STRBP: variants seen among roughly 807,000 people sequenced by gnomAD.
The protein encoded by STRBP is spermatid perinuclear RNA binding protein.
In STRBP, 13 loss-of-function variants were observed where a neutral mutation model predicts 80.1. The ratio of observed to expected loss-of-function variants is 0.16; its 90% CI spans 0.11 to 0.26. The LOEUF is 0.26. Among genes scored for constraint, STRBP ranks in the 10% least tolerant of loss-of-function variants. STRBP has a pLI of 1.00. For missense variants in STRBP, 485 were observed against 815.2 expected (o/e 0.59, Z 4.93); for synonymous variants, 284 against 291.2 (o/e 0.98, Z 0.25).
intron 13 of STRBP, among the ~76,000 whole-genome samples, chr9:123,140,626 CA>C (rs544721015): frequency 1.1e-4 from 17 of 150,358 alleles, no homozygotes; most frequent in Non-Finnish European, 1.8e-4. Context: ...AACAAACAAA[CA>C]AAAAAAAACA....
intron 13 of STRBP, among the ~76,000 whole-genome samples, chr9:123,144,938 A>G (rs1191787959): frequency 6.6e-6 from 1 of 152,208 alleles, no homozygotes; most frequent in East Asian, 1.9e-4. Context: ...AGAGTTTTTC[A>G]AATCTTCAAA....
chr9:123,249,995 C>T (rs188594181), intron 1 of STRBP, among the ~76,000 whole-genome samples: 5 of 152,280 alleles, frequency 3.3e-5, no homozygotes, highest in Admixed American at 2.0e-4. Context: ...TGTTATAAAA[C>T]CATGTATAGA....
At chr9:123,172,750 C>A (rs1246502881) in intron 5 of STRBP, among the ~76,000 whole-genome samples, 2 of 151,692 alleles carry the variant, frequency 1.3e-5, no homozygotes, top group Admixed American at 6.6e-5. Context: ...AGAAAATGAT[C>A]TAGTAACAAA....
chr9:123,237,301 T>A (rs2040590317), intron 1 of STRBP, among the ~76,000 whole-genome samples: 1 of 152,154 alleles, frequency 6.6e-6, no homozygotes, highest in South Asian at 2.1e-4. Flanking sequence ...AACAGAGTTG[T>A]AGCTAGGACA....
At chr9:123,253,812 G>A (rs571253120) in intron 1 of STRBP, among the ~76,000 whole-genome samples, 1 of 152,184 alleles carries the variant, frequency 6.6e-6, no homozygotes, top group Non-Finnish European at 1.5e-5. Flanking sequence ...AAAGCACTAG[G>A]AGTGACCTGT....
At chr9:123,203,878 A>T (rs558096610) in intron 2 of STRBP, among the ~76,000 whole-genome samples, 1 of 152,150 alleles carries the variant, frequency 6.6e-6, no homozygotes, top group Non-Finnish European at 1.5e-5. Context: ...AGTCTGAGGC[A>T]GGAGAACTGC....
At chr9:123,228,839 T>G (rs1003049941) in intron 2 of STRBP, among the ~76,000 whole-genome samples, 4 of 152,314 alleles carry the variant, frequency 2.6e-5, no homozygotes, top group Admixed American at 1.3e-4. Context: ...CTACTAAGTA[T>G]GTAGCCAAGA....
Position 123,115,976 on chromosome 9 carries a change from T to G in STRBP, c.*37A>C, listed in dbSNP as rs1398548009. The stretch of plus-strand genomic sequence containing the variant: ...CTCCAGGTCTCCTCTTCACCAGCCT[T>G]AACCTTCTGGTCCTTCCATCTCATT... On this transcript the variant is annotated 3_prime_UTR_variant and NMD_transcript_variant, in exon 3 of 4. Coordinates refer to the STRBP transcript ENST00000471564. The surrounding 1 kb of genome is among the most constrained non-coding windows in gnomAD (Gnocchi z 5.0). 1 of 456,192 alleles carries G rather than the reference T, an allele frequency of 2.2e-6. No individual in the cohort carries two copies. Among genetic ancestry groups the G allele is most frequent in the Non-Finnish European group, 4.4e-6 (1 of 226,932 alleles). The allele number at this position is 456,192 out of a possible 1,614,324, so 28.3% of individuals were successfully genotyped here.
intron 1 of STRBP, among the ~76,000 whole-genome samples, chr9:123,257,917 T>G (rs967416327): frequency 4.6e-5 from 7 of 151,852 alleles, no homozygotes; most frequent in Non-Finnish European, 7.4e-5. Flanking sequence ...TGTATAGAAT[T>G]ATTATATCTA....
intron 2 of STRBP, among the ~76,000 whole-genome samples, chr9:123,197,284 CAT>C (rs2039127449): frequency 6.6e-6 from 1 of 152,016 alleles, no homozygotes; most frequent in African/African-American, 2.4e-5. Flanking sequence ...GTACAAAAAA[CAT>C]AGTTAAATAG....
chr9:123,240,469 A>T (rs1250020429), intron 1 of STRBP, among the ~76,000 whole-genome samples: 2 of 152,218 alleles, frequency 1.3e-5, no homozygotes, highest in African/African-American at 4.8e-5. Context: ...ATCACTAGCT[A>T]ATTTTCTCAC....
Position 123,122,490 on chromosome 9 carries a change from G to GT in STRBP, c.*3106dup. 2 of 1,190,140 alleles carry GT rather than the reference G, an allele frequency of 1.7e-6. No individual in the cohort carries two copies. The highest frequency in any genetic ancestry group is 2.1e-6 in the Non-Finnish European group (2 of 948,408). The allele number at this position is 1,190,140 out of a possible 1,614,324, so 73.7% of individuals were successfully genotyped here. A position where few individuals can be genotyped will look rare whatever the true frequency, so the allele number is the denominator to read the frequency against. On this transcript the variant is annotated 3_prime_UTR_variant, in exon 19 of 19. Coordinates refer to ENST00000348403, the MANE Select transcript of STRBP (RefSeq NM_018387.5). ...CCAATACCAGCAAAATCTCTCAGTG[G>GT]TTTGTTCCCCAGGCTAACAATTTGA...
chr9:123,218,661 G>C (rs140028357), intron 2 of STRBP, among the ~76,000 whole-genome samples: 1 of 152,006 alleles, frequency 6.6e-6, no homozygotes, highest in Non-Finnish European at 1.5e-5. Flanking sequence ...GAGCCACCGC[G>C]CCCGGCCTAA....
At position 123,206,993 on chromosome 9, in the gene STRBP, C is replaced by T. The variant is rs533104099; in HGVS notation, c.-164-22695G>A. Among the ~76,000 whole-genome samples the T allele has an allele frequency of 4.5e-4, 69 of 152,170 alleles. 1 individual carries two copies. In the South Asian group the frequency reaches 0.012, roughly 27 times the overall value. The stretch of plus-strand genomic sequence containing the variant: ...TCAAGAATCTAATCAACCAACTTTC[C>T]GTTTTTCTGTGGTAAAATGAGATTT... On this transcript the variant is annotated intron_variant, in intron 2 of 18. Transcript: ENST00000348403.
At chr9:123,242,578 T>C (rs186179657) in intron 1 of STRBP, among the ~76,000 whole-genome samples, 35 of 152,298 alleles carry the variant, frequency 2.3e-4, no homozygotes, top group African/African-American at 7.0e-4. Flanking sequence ...GAGAATCGCT[T>C]GAACCCAGGA....
At chr9:123,235,007 G>T (rs1444074018) in intron 2 of STRBP, among the ~76,000 whole-genome samples, 13 of 144,224 alleles carry the variant, frequency 9.0e-5, no homozygotes, top group Non-Finnish European at 1.8e-4. Flanking sequence ...GGGGGGGGGG[G>T]GTACTGGGTA....
At chr9:123,201,172 G>A (rs1250077936) in intron 2 of STRBP, among the ~76,000 whole-genome samples, 3 of 151,904 alleles carry the variant, frequency 2.0e-5, no homozygotes, top group Non-Finnish European at 4.4e-5. Flanking sequence ...TTTTCGAAGC[G>A]ACAGCATATT....
At chr9:123,194,465 C>T (rs2039027744) in intron 2 of STRBP, among the ~76,000 whole-genome samples, 1 of 152,132 alleles carries the variant, frequency 6.6e-6, no homozygotes, top group African/African-American at 2.4e-5. Flanking sequence ...AGCATTCCCA[C>T]ATGTTGTAAT....
At chr9:123,222,729 T>C (rs1441943216) in intron 2 of STRBP, among the ~76,000 whole-genome samples, 2 of 152,142 alleles carry the variant, frequency 1.3e-5, no homozygotes, top group Non-Finnish European at 2.9e-5. Flanking sequence ...CTTAAAGAAG[T>C]TGAATTAACA....
Sources: allele counts gnomAD v4.1 joint callset (sites outside exome capture counted in the v4.1 genomes callset), GRCh38; gene constraint gnomAD v4.1.1; non-coding constraint Gnocchi (gnomAD v3.1); transcripts MANE v1.5; gene names NCBI Gene and HGNC (gene_info 2026-07-23, HGNC 2026-07-21).